The following PLEKHA7 variants were observed in gnomAD, a reference collection of about 807,000 sequenced individuals.
PLEKHA7 encodes pleckstrin homology domain-containing family A member 7.
In PLEKHA7, 104 loss-of-function variants were observed where a neutral mutation model predicts 170.0. The observed-to-expected ratio is 0.61, with a 90% CI of 0.52 to 0.72. The LOEUF is 0.72. Among genes scored for constraint, PLEKHA7 ranks in the 30% least tolerant of loss-of-function variants. The pLI is 0.00. For synonymous variants in PLEKHA7, 648 were observed against 660.8 expected, an observed-to-expected ratio of 0.98 and a Z score of 0.30; for missense variants, 1,615 against 1,671.7, an observed-to-expected ratio of 0.97 and a Z score of 0.59.
intron 9 of PLEKHA7, among the ~76,000 whole-genome samples, chr11:16,831,134 C>T (rs1050386380): frequency 3.3e-5 from 5 of 152,192 alleles, no homozygotes; most frequent in Non-Finnish European, 7.3e-5. Context: ...TCCTTATTCC[C>T]ATGGCTCCCG....
intron 26 of PLEKHA7, 47 bp downstream of exon 26, chr11:16,782,694 CCAAGCCCACAGGT>C: frequency 1.3e-6 from 2 of 1,524,354 alleles, no homozygotes; most frequent in Non-Finnish European, 1.8e-6. Flanking sequence ...CATGCTGGGC[CCAAGCCCACAGGT>C]GCAGTGGGGC....
intron 13 of PLEKHA7, chr11:16,812,544 C>A (rs1049899289): frequency 6.6e-6 from 1 of 152,308 alleles, no homozygotes; most frequent in East Asian, 1.9e-4. Flanking sequence ...CAGAATGCCT[C>A]CTGCCTTCTC....
intron 3 of PLEKHA7, among the ~76,000 whole-genome samples, chr11:16,940,420 A>G (rs1860611224): frequency 6.6e-6 from 1 of 151,228 alleles, no homozygotes; most frequent in African/African-American, 2.4e-5. Flanking sequence ...CCTGAGTAGC[A>G]GGGACTACAG....
intron 3 of PLEKHA7, among the ~76,000 whole-genome samples, chr11:16,969,270 TA>T (rs1056842207): frequency 1.3e-5 from 2 of 152,144 alleles, no homozygotes; most frequent in Admixed American, 1.3e-4. Context: ...TAAAAGATCT[TA>T]ACAAGCTGAT....
intron 7 of PLEKHA7, among the ~76,000 whole-genome samples, chr11:16,851,970 G>A (rs937259312): frequency 6.6e-6 from 1 of 152,206 alleles, no homozygotes; most frequent in Non-Finnish European, 1.5e-5. Flanking sequence ...CAGAAGCTCA[G>A]ATGGCCAATT....
At chr11:16,924,378 C>T (rs1364999740) in intron 3 of PLEKHA7, among the ~76,000 whole-genome samples, 3 of 152,168 alleles carry the variant, frequency 2.0e-5, no homozygotes, top group Admixed American at 6.5e-5. Context: ...TGGCGGAGCA[C>T]GCAAGGAGGT....
intron 3 of PLEKHA7, among the ~76,000 whole-genome samples, chr11:16,965,163 A>G (rs370010587): frequency 6.6e-6 from 1 of 151,558 alleles, no homozygotes; most frequent in Admixed American, 6.6e-5. Flanking sequence ...ACAAAAAAAA[A>G]CCCAAAAACA....
intron 13 of PLEKHA7, among the ~76,000 whole-genome samples, chr11:16,811,850 C>A (rs1849395139): frequency 6.6e-6 from 1 of 152,200 alleles, no homozygotes; most frequent in African/African-American, 2.4e-5. Context: ...AACCACTGTG[C>A]CCTGGCTCTC....
intron 13 of PLEKHA7, among the ~76,000 whole-genome samples, chr11:16,804,989 T>C (rs1270916846): frequency 6.6e-6 from 1 of 152,150 alleles, no homozygotes; most frequent in Non-Finnish European, 1.5e-5. Context: ...GGTTTTAAAC[T>C]CAGGGGAACC....
chr11:16,884,458 C>A (rs1312782027), intron 3 of PLEKHA7, among the ~76,000 whole-genome samples: 2 of 152,092 alleles, frequency 1.3e-5, no homozygotes, highest in African/African-American at 4.8e-5. Context: ...CATGGTGAAA[C>A]CCTGTTTCTA....
chr11:16,889,848 G>C (rs1590492122), intron 3 of PLEKHA7, among the ~76,000 whole-genome samples: 2 of 152,242 alleles, frequency 1.3e-5, no homozygotes, highest in South Asian at 4.1e-4. Flanking sequence ...AAGGCATATA[G>C]TCATCAGACT....
intron 3 of PLEKHA7, among the ~76,000 whole-genome samples, chr11:16,965,355 T>C (rs1423756978): frequency 1.3e-5 from 2 of 152,150 alleles, no homozygotes; most frequent in Non-Finnish European, 2.9e-5. Flanking sequence ...ACCCCTATCT[T>C]AGACCAATTC....
chr11:16,977,550 C>T (rs896821449), intron 3 of PLEKHA7, among the ~76,000 whole-genome samples: 22 of 152,164 alleles, frequency 1.4e-4, no homozygotes, highest in African/African-American at 4.1e-4. Context: ...TAGACAAGGA[C>T]GGTGTCACCC....
At chr11:16,938,391 C>T (rs1182770610) in intron 3 of PLEKHA7, among the ~76,000 whole-genome samples, 1 of 152,106 alleles carries the variant, frequency 6.6e-6, no homozygotes, top group Non-Finnish European at 1.5e-5. Flanking sequence ...TATGCCCCAA[C>T]GAGTAGCTTT....
intron 9 of PLEKHA7, among the ~76,000 whole-genome samples, chr11:16,836,927 G>A (rs931810665): frequency 1.3e-5 from 2 of 151,882 alleles, no homozygotes; most frequent in Non-Finnish European, 2.9e-5. Context: ...GAGTTCAAGC[G>A]ATTCTCCTGC....
At chr11:16,892,366 G>C (rs1007176658) in intron 3 of PLEKHA7, among the ~76,000 whole-genome samples, 7 of 152,034 alleles carry the variant, frequency 4.6e-5, no homozygotes, top group African/African-American at 1.4e-4. Context: ...CTAGCAGCAA[G>C]AGTAGGTGGT....
rs1334736782 is a variant in PLEKHA7, at chr11:16,906,875, G to A, written c.222-35693C>T. ...GCCCGGCCGCCATCCCATCTAGGAAGTGAGGAGCGTCTCTGCCACGCCGCC... is the reference window on the plus strand; with the variant it reads ...GCCCGGCCGCCATCCCATCTAGGAAATGAGGAGCGTCTCTGCCACGCCGCC... On this transcript the variant is annotated intron_variant, in intron 3 of 26. Transcript: ENST00000531066. 1.0e-4 allele frequency among the ~76,000 whole-genome samples: 14 copies of A among 140,072 alleles called. 1 individual carries two copies. Among genetic ancestry groups the A allele is most frequent in the Non-Finnish European group, 1.6e-4 (11 of 67,240 alleles). 91.9% of individuals were successfully genotyped at this position (140,072 alleles called of 152,430 possible). A position where few individuals can be genotyped will look rare whatever the true frequency, so the allele number is the denominator to read the frequency against.
At chr11:16,838,045 G>A (rs984095059) in intron 9 of PLEKHA7, among the ~76,000 whole-genome samples, 1 of 152,104 alleles carries the variant, frequency 6.6e-6, no homozygotes, top group African/African-American at 2.4e-5. Context: ...TCAAAGAAGA[G>A]GAAAAACAAA....
At chr11:16,794,056 C>T (rs1270107616) in intron 19 of PLEKHA7, among the ~76,000 whole-genome samples, 3 of 152,110 alleles carry the variant, frequency 2.0e-5, no homozygotes, top group East Asian at 1.9e-4. Context: ...TGCTCAGCGG[C>T]GGGTGAAGGG....
Sources: allele counts gnomAD v4.1 joint callset (sites outside exome capture counted in the v4.1 genomes callset), GRCh38; gene constraint gnomAD v4.1.1; transcripts MANE v1.5; gene names NCBI Gene and HGNC (gene_info 2026-07-23, HGNC 2026-07-21).